The following ZNF528 variants were observed in gnomAD, a reference collection of about 807,000 sequenced individuals.
The protein encoded by ZNF528 is zinc finger protein 528.
ZNF528 carries 9 observed loss-of-function variants against 13.3 expected under a neutral mutation model. That is an observed-to-expected ratio of 0.67 (90% CI 0.41 to 1.18). The LOEUF (loss-of-function observed/expected upper bound fraction) is 1.18. ZNF528 is among the 50% of genes most tolerant of loss of function. ZNF528 has a pLI of 0.01. For synonymous variants in ZNF528, 264 were observed against 254.3 expected, an observed-to-expected ratio of 1.04 and a Z score of -0.36; for missense variants, 858 against 745.4, an observed-to-expected ratio of 1.15 and a Z score of -1.76.
rs998208247 is a variant in ZNF528 at position 52,397,878 on chromosome 19, A to C, written c.-416A>C. The stretch of plus-strand genomic sequence containing the variant: ...TCCGGTAGACCCGGAAGCCGATTGC[A>C]GGGAGAAACTGTTTTCGCAGCAGTG... On this transcript the variant is annotated 5_prime_UTR_variant, in exon 1 of 7. Coordinates refer to ENST00000360465, the MANE Select transcript of ZNF528 (RefSeq NM_032423.3). The C allele has an allele frequency of 6.6e-6, 1 of 152,250 alleles. No individual in the cohort carries two copies. The highest frequency in any genetic ancestry group is 2.1e-4 in the South Asian group (1 of 4,836). The allele number at this position is 152,250 out of a possible 1,614,324, so 9.4% of individuals were successfully genotyped here.
intron 6 of ZNF528, chr19:52,406,908 A>C (rs774972178): frequency 2.4e-6 from 1 of 409,390 alleles, no homozygotes; most frequent in Non-Finnish European, 4.2e-6. Context: ...ACCAAAGTTG[A>C]AATCTTGTGA....
chr19:52,411,489 AT>A (rs2058930495), intron 6 of ZNF528: 1 of 152,168 alleles, frequency 6.6e-6, no homozygotes, highest in South Asian at 2.1e-4. Flanking sequence ...CTTTTTTGGA[AT>A]AACAAATACC....
At chr19:52,414,221 A>G (rs1260686694) in intron 6 of ZNF528, 1 of 702,406 alleles carries the variant, frequency 1.4e-6, no homozygotes. Context: ...ACTCCAGCAG[A>G]ACCTTCTTTG....
intron 6 of ZNF528, chr19:52,406,926 A>G (rs1334503783): frequency 3.3e-5 from 13 of 396,856 alleles, no homozygotes; most frequent in Non-Finnish European, 4.8e-5. Context: ...TGAGTTCTGA[A>G]CAGACATTTT....
intron 6 of ZNF528, chr19:52,414,583 C>G: frequency 2.2e-6 from 1 of 462,798 alleles, no homozygotes; most frequent in Admixed American, 3.6e-5. Context: ...AGCATGGCAC[C>G]AGGGAGTGAT....
intron 3 of ZNF528, 38 bp from the exon 4 acceptor site, chr19:52,401,909 T>TG: frequency 6.3e-7 from 1 of 1,598,168 alleles, no homozygotes; most frequent in Non-Finnish European, 8.5e-7. Context: ...GGAGGTATGT[T>TG]GATTCTAAGC....
Position 52,406,631 on chromosome 19 carries a change from G to A in ZNF528, c.259G>A (p.Gly87Ser), listed in dbSNP as rs1399487044. The A allele has an allele frequency of 5.6e-6, 9 of 1,612,922 alleles. No homozygotes were observed. The highest frequency in any genetic ancestry group is 1.7e-5 in the Admixed American group (1 of 59,838). ...NDPDGRECIKGVNTERSSKLG... is the reference protein window; with the variant it reads ...NDPDGRECIKSVNTERSSKLG... ...TCCAGACGGCAGGGAGTGCATCAAA[G>A]GTGTGAACACAGGTGAGAGCTCGGG... The change falls in exon 6 of 7, where the codon GGT becomes AGT. Residue 87 changes from glycine to serine, a missense_variant. Transcript: ENST00000360465.
chr19:52,414,891 G>A, intron 6 of ZNF528: 1 of 1,423,246 alleles, frequency 7.0e-7, no homozygotes, highest in Non-Finnish European at 9.4e-7. Context: ...GTATTTCTCT[G>A]CTCATAGTCT....
chr19:52,415,193 AGTT>A lies in ZNF528; in HGVS notation c.342_344del (p.Leu115del). ...AAAAATCAACTTGGATTCACTTTTC[AGTT>A]ACATCTGAGTGATCTACAGCTATTT... On this transcript the variant is annotated inframe_deletion, in exon 7 of 7. Transcript: ENST00000360465. 1 of 1,612,628 alleles carries A rather than the reference AGTT, an allele frequency of 6.2e-7. No homozygotes were observed. Among genetic ancestry groups the A allele is most frequent in the African/African-American group, 1.3e-5 (1 of 74,988 alleles).
chr19:52,408,024 C>A (rs913053932), intron 6 of ZNF528, among the ~76,000 whole-genome samples: 1 of 151,918 alleles, frequency 6.6e-6, no homozygotes, highest in African/African-American at 2.4e-5. Flanking sequence ...CCAAAACATT[C>A]TATTTTAAAT....
At chr19:52,409,261 T>A (rs748752670) in intron 6 of ZNF528, among the ~76,000 whole-genome samples, 3 of 152,062 alleles carry the variant, frequency 2.0e-5, no homozygotes, top group Non-Finnish European at 4.4e-5. Context: ...TGTCTCTGTG[T>A]GAATGTATTT....
rs1397868764 is a variant in ZNF528 at position 52,415,842 on chromosome 19, T to A, written c.990T>A (p.Cys330Ter). 6.2e-7 allele frequency: 1 copy of A among 1,613,964 alleles called. No homozygotes were observed. The highest frequency in any genetic ancestry group is 1.7e-5 in the Admixed American group (1 of 60,020). ...AGAAACCTTACAGTTGTAATAAATGTGGCAAGGTCTTTAGTCGCCATTCAT... is the reference window on the plus strand; with the variant it reads ...AGAAACCTTACAGTTGTAATAAATGAGGCAAGGTCTTTAGTCGCCATTCAT... ...TGEKPYSCNK[C>*]GKVFSRHSYL... Residue 330 changes from cysteine to a stop codon, truncating the protein, a stop_gained, in exon 7 of 7, where the codon TGT (cysteine) becomes TGA (stop). Coordinates refer to ENST00000360465, the MANE Select transcript of ZNF528 (RefSeq NM_032423.3). LOFTEE classifies it low-confidence loss of function (END_TRUNC).
At chr19:52,403,292 T>A (rs1394065546) in intron 4 of ZNF528, among the ~76,000 whole-genome samples, 2 of 152,166 alleles carry the variant, frequency 1.3e-5, no homozygotes, top group African/African-American at 2.4e-5. Context: ...GAATAGCCAC[T>A]GCCATCCAGT....
In ZNF528 at chr19:52,415,481, A is replaced by G; in HGVS notation, c.629A>G (p.Asp210Gly). The change falls in exon 7 of 7, where the codon GAT becomes GGT. Residue 210 changes from aspartate (D) to glycine (G), a missense_variant. Coordinates refer to ENST00000360465, the MANE Select transcript of ZNF528 (RefSeq NM_032423.3). Reference protein sequence around the residue: ...SLTNQVIHNADNPYKCSECGK... With the variant: ...SLTNQVIHNAGNPYKCSECGK... ...ACTAACCAAGTAATCCATAACGCAG[A>G]TAATCCTTACAAATGCAGTGAATGT... is the stretch of plus-strand genomic sequence containing the variant. 6.2e-7 allele frequency: 1 copy of G among 1,614,220 alleles called. No individual in the cohort carries two copies. Among genetic ancestry groups the G allele is most frequent in the Non-Finnish European group, 8.5e-7 (1 of 1,180,038 alleles).
chr19:52,400,679 G>A (rs961038956), intron 2 of ZNF528, among the ~76,000 whole-genome samples: 6 of 151,814 alleles, frequency 4.0e-5, no homozygotes, highest in African/African-American at 1.5e-4. Context: ...GTCCCTCTGC[G>A]TGGCTGATTG....
At chr19:52,414,272 G>A (rs757071797) in intron 6 of ZNF528, 18 of 702,366 alleles carry the variant, frequency 2.6e-5, no homozygotes, top group Non-Finnish European at 3.9e-5. Flanking sequence ...CCACTTGTCC[G>A]ACATCCTCGG....
Position 52,416,009 on chromosome 19 carries a change from G to A in ZNF528, c.1157G>A (p.Cys386Tyr). 6.2e-7 allele frequency: 1 copy of A among 1,614,134 alleles called. No individual in the cohort carries two copies. Among genetic ancestry groups the A allele is most frequent in the Non-Finnish European group, 8.5e-7 (1 of 1,180,038 alleles). Residue 386 changes from cysteine (C) to tyrosine (Y), a missense_variant, in exon 7 of 7, where the codon TGT (cysteine) becomes TAT (tyrosine). Cys to Tyr is a radical substitution (Grantham distance 194). Transcript: ENST00000360465. ...TGRKPYKCKECDKVFGRKCFL... is the reference protein window; with the variant it reads ...TGRKPYKCKEYDKVFGRKCFL... ...AGGAAACCTTACAAATGTAAAGAAT[G>A]TGACAAGGTCTTTGGGCGCAAGTGT...
chr19:52,410,363 TCAGCGGCTTGATTTA>T (rs2058915109), intron 6 of ZNF528, among the ~76,000 whole-genome samples: 2 of 152,156 alleles, frequency 1.3e-5, no homozygotes, highest in African/African-American at 4.8e-5. Context: ...TGATTGTCGG[TCAGCGGCTTGATTTA>T]CAGCAGGCTT....
intron 2 of ZNF528, among the ~76,000 whole-genome samples, chr19:52,399,837 G>A (rs1250221978): frequency 3.3e-5 from 5 of 152,080 alleles, no homozygotes; most frequent in East Asian, 1.9e-4. Flanking sequence ...GCAGTTCTTC[G>A]TCAGACAGCA....
Sources: gnomAD v4.1 joint callset for allele counts (sites outside exome capture counted in the v4.1 genomes callset) on GRCh38, gnomAD v4.1.1 for gene constraint, MANE v1.5 for transcripts, NCBI Gene and HGNC (gene_info 2026-07-23, HGNC 2026-07-21) for gene names.